The following OSBPL3 variants were observed in gnomAD, a reference collection of about 807,000 sequenced individuals.
OSBPL3 encodes the protein oxysterol-binding protein-related protein 3.
In OSBPL3, 65 loss-of-function variants were observed where a neutral mutation model predicts 120.1. That is an observed-to-expected ratio of 0.54 (90% CI 0.44 to 0.67). OSBPL3 has a LOEUF of 0.67. Ranked by LOEUF, OSBPL3 falls within the 30% of genes least tolerant of loss-of-function variation. OSBPL3 has a pLI of 0.00. For missense variants in OSBPL3, 1,004 were observed against 1,082.1 expected (o/e 0.93, Z 1.01); for synonymous variants, 416 against 402.6 (o/e 1.03, Z -0.40).
At chr7:24,907,147 C>A (rs1431904118) in intron 1 of OSBPL3, among the ~76,000 whole-genome samples, 2 of 152,144 alleles carry the variant, frequency 1.3e-5, no homozygotes, top group Non-Finnish European at 2.9e-5. Flanking sequence ...AACAACCTAT[C>A]CATTTTAGAC....
At chr7:24,928,350 C>A (rs943467110) in intron 1 of OSBPL3, among the ~76,000 whole-genome samples, 1 of 152,092 alleles carries the variant, frequency 6.6e-6, no homozygotes, top group African/African-American at 2.4e-5. Context: ...CGCCACCACA[C>A]CCGGCTACTT....
At chr7:24,905,945 T>C (rs1360975933) in intron 1 of OSBPL3, among the ~76,000 whole-genome samples, 1 of 152,030 alleles carries the variant, frequency 6.6e-6, no homozygotes, top group Non-Finnish European at 1.5e-5. Context: ...GGCAGGAGAA[T>C]TGCTTGAATC....
At position 24,930,327 on chromosome 7, in the gene OSBPL3, C is replaced by T. The variant is rs530264256; in HGVS notation, c.-149-37706G>A. Reference sequence around the variant, plus strand: ...GTAGGAATACATGGGAAAAACTCAACACTTTTTGTTGTCAATTCCTGTCTA... The same window carrying T: ...GTAGGAATACATGGGAAAAACTCAATACTTTTTGTTGTCAATTCCTGTCTA... On this transcript the variant is annotated intron_variant, in intron 1 of 22. Coordinates refer to ENST00000313367, the MANE Select transcript of OSBPL3 (RefSeq NM_015550.4). This position sits in a 1 kb window ranked among gnomAD's most constrained non-coding sequence, Gnocchi z 4.4. 6.6e-6 allele frequency among the ~76,000 whole-genome samples: 1 copy of T among 152,302 alleles called. No homozygotes were observed. Among genetic ancestry groups the T allele is most frequent in the African/African-American group, 2.4e-5 (1 of 41,566 alleles).
chr7:24,837,066 C>T (rs948487203), intron 14 of OSBPL3, among the ~76,000 whole-genome samples: 2 of 152,186 alleles, frequency 1.3e-5, no homozygotes, highest in African/African-American at 4.8e-5. Flanking sequence ...AATTCCTGAG[C>T]TCAAGTGATC....
At position 24,979,891 on chromosome 7, in the gene OSBPL3, C is replaced by G. The variant is rs1027067766; in HGVS notation, c.-155G>C. On this transcript the variant is annotated 5_prime_UTR_variant, in exon 1 of 23. Coordinates refer to ENST00000313367, the MANE Select transcript of OSBPL3 (RefSeq NM_015550.4). ...GCGGGCGCCCCGCCACTCACCTGAGCGCTGTGCAGCCGGAGACGCTCCCTA... is the reference window on the plus strand; with the variant it reads ...GCGGGCGCCCCGCCACTCACCTGAGGGCTGTGCAGCCGGAGACGCTCCCTA... 1.9e-5 allele frequency: 19 copies of G among 985,430 alleles called. 1 individual carries two copies. The Admixed American group carries it at 8.6e-4, about 45-fold the overall frequency. 61.0% of individuals were successfully genotyped at this position (985,430 alleles called of 1,614,324 possible). A position where few individuals can be genotyped will look rare whatever the true frequency, so the allele number is the denominator to read the frequency against.
chr7:24,950,082 A>G lies in OSBPL3; in HGVS notation c.-150+29804T>C, dbSNP rs180724912. Among the ~76,000 whole-genome samples, 781 of 152,376 alleles carry G rather than the reference A, an allele frequency of 5.1e-3. 8 individuals are homozygous for G. Among genetic ancestry groups the G allele is most frequent in the South Asian group, 0.034 (163 of 4,830 alleles). On this transcript the variant is annotated intron_variant, in intron 1 of 22. Transcript: ENST00000313367. ...TTATAAATGATTAGATTCATAAGCC[A>G]GGTCATAAAAAGTATTCATAACAGC...
At chr7:24,908,989 C>T (rs910809181) in intron 1 of OSBPL3, among the ~76,000 whole-genome samples, 4 of 152,240 alleles carry the variant, frequency 2.6e-5, no homozygotes, top group Non-Finnish European at 5.9e-5. Flanking sequence ...CCTTTTCAAG[C>T]ACATGGTCTA....
At chr7:24,920,223 C>G (rs1304765417) in intron 1 of OSBPL3, among the ~76,000 whole-genome samples, 1 of 151,756 alleles carries the variant, frequency 6.6e-6, no homozygotes, top group Non-Finnish European at 1.5e-5. Context: ...TTATAATAGT[C>G]AAAAAGTAGA....
At position 24,847,348 on chromosome 7, in the gene OSBPL3, A is replaced by C. The variant is rs373134918; in HGVS notation, c.1266+1721T>G. Reference sequence around the variant, plus strand: ...ACTCCATGATAAAAGGGATAAAATAAGGGAAACAGAAAATTTCTGAAAGAG... The same window carrying C: ...ACTCCATGATAAAAGGGATAAAATACGGGAAACAGAAAATTTCTGAAAGAG... On this transcript the variant is annotated intron_variant, in intron 12 of 22. Transcript: ENST00000313367. Among the ~76,000 whole-genome samples the C allele has an allele frequency of 1.3e-4, 20 of 152,282 alleles. No individual in the cohort carries two copies. The East Asian group carries it at 2.5e-3, about 19-fold the overall frequency.
chr7:24,970,548 T>C (rs1816896309), intron 1 of OSBPL3, among the ~76,000 whole-genome samples: 2 of 152,212 alleles, frequency 1.3e-5, no homozygotes, highest in Non-Finnish European at 2.9e-5. Context: ...AGAGAAAAGA[T>C]GGATCAATAT....
rs147882193 is a variant in OSBPL3 at position 24,866,290 on chromosome 7, A to C, written c.382-53T>G. The C allele has an allele frequency of 7.7e-6, 10 of 1,293,802 alleles. No homozygotes were observed. In the African/African-American group the frequency reaches 1.5e-4, roughly 19 times the overall value. 80.1% of individuals were successfully genotyped at this position (1,293,802 alleles called of 1,614,324 possible). A position where few individuals can be genotyped will look rare whatever the true frequency, so the allele number is the denominator to read the frequency against. ...AACAAGAGAATCATTCACTGGAAGG[A>C]ACAATTACTCATCAAATTGAGGCCA... On this transcript the variant is annotated intron_variant, in intron 5 of 22. Coordinates refer to ENST00000313367, the MANE Select transcript of OSBPL3 (RefSeq NM_015550.4).
At position 24,882,367 on chromosome 7, in the gene OSBPL3, C is replaced by A. The variant is rs1803829784; in HGVS notation, c.96+10010G>T. ...AACATGTGATATTTGTCTTTCTGTG[C>A]CTGGCTTATTTCACTTAAGATAATG... On this transcript the variant is annotated intron_variant, in intron 2 of 22. Transcript: ENST00000313367. 1.3e-5 allele frequency among the ~76,000 whole-genome samples: 2 copies of A among 151,470 alleles called. 1 individual carries two copies. Among genetic ancestry groups the A allele is most frequent in the South Asian group, 4.2e-4 (2 of 4,786 alleles).
rs115542566 is a variant in OSBPL3 at position 24,960,035 on chromosome 7, C to G, written c.-150+19851G>C. Among the ~76,000 whole-genome samples the G allele has an allele frequency of 1.1e-3, 167 of 152,248 alleles. 4 individuals are homozygous for G. The highest frequency in any genetic ancestry group is 3.2e-3 in the African/African-American group (134 of 41,562). ...ATTTCCTTAAATGGTACCAAAATAGCTATTACTCTTAAATGAACCTTCTGT... is the reference window on the plus strand; with the variant it reads ...ATTTCCTTAAATGGTACCAAAATAGGTATTACTCTTAAATGAACCTTCTGT... On this transcript the variant is annotated intron_variant, in intron 1 of 22. Transcript: ENST00000313367.
rs1816411831 is a variant in OSBPL3 at position 24,966,615 on chromosome 7, G to C, written c.-150+13271C>G. On this transcript the variant is annotated intron_variant, in intron 1 of 22. Transcript: ENST00000313367. This position sits in a 1 kb window ranked among gnomAD's most constrained non-coding sequence, Gnocchi z 4.8. ...GTTTAGGCCAAAGTCTTTCCTTTTT[G>C]ACACCCTATTATTGGTATCATTCCT... Among the ~76,000 whole-genome samples the C allele has an allele frequency of 6.6e-6, 1 of 152,146 alleles. No individual in the cohort carries two copies. Among genetic ancestry groups the C allele is most frequent in the African/African-American group, 2.4e-5 (1 of 41,426 alleles).
rs1794561008 is a variant in OSBPL3, at chr7:24,817,021, G to A, written c.1949-333C>T. Among the ~76,000 whole-genome samples, 1 of 152,214 alleles carries A rather than the reference G, an allele frequency of 6.6e-6. No homozygotes were observed. The highest frequency in any genetic ancestry group is 6.5e-5 in the Admixed American group (1 of 15,278). ...AGAAGGAGTGACGAATATGCTTGGA[G>A]AAAGCATCAGAAGAGGCTTGTCAGA... is the stretch of plus-strand genomic sequence containing the variant. On this transcript the variant is annotated intron_variant, in intron 17 of 22. Transcript: ENST00000313367. This position sits in a 1 kb window ranked among gnomAD's most constrained non-coding sequence, Gnocchi z 4.0.
At chr7:24,832,088 T>C (rs923385939) in intron 15 of OSBPL3, among the ~76,000 whole-genome samples, 1 of 150,922 alleles carries the variant, frequency 6.6e-6, no homozygotes, top group Non-Finnish European at 1.5e-5. Flanking sequence ...ATGCTTGTGG[T>C]CCCAGCTGCT....
Position 24,910,135 on chromosome 7 carries a change from G to A in OSBPL3, c.-149-17514C>T, listed in dbSNP as rs75661848. On this transcript the variant is annotated intron_variant, in intron 1 of 22. Coordinates refer to ENST00000313367, the MANE Select transcript of OSBPL3 (RefSeq NM_015550.4). ...GCTACTATTTTCAATTTGAAGGTGTGTATTACCCTGGCCTGAAATAATCCC... is the reference window on the plus strand; with the variant it reads ...GCTACTATTTTCAATTTGAAGGTGTATATTACCCTGGCCTGAAATAATCCC... 6.5e-3 allele frequency among the ~76,000 whole-genome samples: 993 copies of A among 152,232 alleles called. 4 individuals carry two copies. Among genetic ancestry groups the A allele is most frequent in the Non-Finnish European group, 9.7e-3 (662 of 68,008 alleles).
rs1000325742 is a variant in OSBPL3, at chr7:24,968,666, G to C, written c.-150+11220C>G. ...CCCACCTCGGCCTCCCAAAGTGCTA[G>C]GATTACAGGTGTGAGCCACGGCGCC... On this transcript the variant is annotated intron_variant, in intron 1 of 22. Transcript: ENST00000313367. This position sits in a 1 kb window ranked among gnomAD's most constrained non-coding sequence, Gnocchi z 4.6. Among the ~76,000 whole-genome samples, 3 of 152,226 alleles carry C rather than the reference G, an allele frequency of 2.0e-5. No individual in the cohort carries two copies.
intron 5 of OSBPL3, among the ~76,000 whole-genome samples, chr7:24,868,543 T>A (rs1467549871): frequency 6.6e-6 from 1 of 152,096 alleles, no homozygotes; most frequent in African/African-American, 2.4e-5. Context: ...TGAAAATCTT[T>A]ACTAATGCCA....
Sources: gnomAD v4.1 joint callset for allele counts (sites outside exome capture counted in the v4.1 genomes callset) on GRCh38, gnomAD v4.1.1 for gene constraint, Gnocchi (gnomAD v3.1) non-coding constraint, MANE v1.5 for transcripts, NCBI Gene and HGNC (gene_info 2026-07-23, HGNC 2026-07-21) for gene names.